Variants in CFHR4 observed in about 807,000 individuals in gnomAD.
CFHR4 encodes complement factor H-related protein 4.
A neutral mutation model predicts 69.3 loss-of-function variants in CFHR4; 64 were observed. The observed-to-expected ratio is 0.92, with a 90% CI of 0.76 to 1.14. The LOEUF is 1.14. CFHR4 is among the 50% of genes most tolerant of loss of function. CFHR4 has a pLI of 0.00. For synonymous variants in CFHR4, 244 were observed against 237.0 expected (o/e 1.03, Z -0.27); for missense variants, 636 against 684.9 (o/e 0.93, Z 0.80).
intron 7 of CFHR4, 127 bp from the exon 8 acceptor site, chr1:196,914,368 T>A: frequency 1.1e-6 from 1 of 901,920 alleles, no homozygotes; most frequent in South Asian, 2.6e-5. Flanking sequence ...TGTCAGACTA[T>A]TTTTAATAGT....
chr1:196,900,161 G>T (rs1057038024), intron 1 of CFHR4, among the ~76,000 whole-genome samples: 3 of 151,366 alleles, frequency 2.0e-5, no homozygotes, highest in Admixed American at 6.6e-5. Context: ...AAATTAGTGA[G>T]TATTTTAATC....
intron 9 of CFHR4, among the ~76,000 whole-genome samples, chr1:196,916,355 A>C (rs939344095): frequency 1.3e-5 from 2 of 152,028 alleles, no homozygotes; most frequent in African/African-American, 4.8e-5. Flanking sequence ...TTAAACTATA[A>C]GTTCATGAGT....
intron 9 of CFHR4, among the ~76,000 whole-genome samples, chr1:196,915,594 C>A (rs1450407802): frequency 6.6e-6 from 1 of 151,272 alleles, no homozygotes; most frequent in Admixed American, 6.6e-5. Context: ...GAGATTGCAC[C>A]ATTGCCCTCC....
chr1:196,900,233 C>A (rs1407391951), intron 1 of CFHR4, among the ~76,000 whole-genome samples: 1 of 150,004 alleles, frequency 6.7e-6, no homozygotes, highest in Non-Finnish European at 1.5e-5. Context: ...TGTGAGTCTA[C>A]AATTCACATG....
intron 6 of CFHR4, among the ~76,000 whole-genome samples, chr1:196,911,698 C>T (rs1352846863): frequency 6.6e-6 from 1 of 151,538 alleles, no homozygotes; most frequent in Admixed American, 6.6e-5. Context: ...GTAAGAGCAA[C>T]TGTCCTCAAC....
chr1:196,906,791 T>G, intron 3 of CFHR4, 70 bp from the exon 4 acceptor site: 1 of 1,473,792 alleles, frequency 6.8e-7, no homozygotes, highest in South Asian at 1.4e-5. Flanking sequence ...ATTCCTACAA[T>G]GGGACTTTCT....
intron 1 of CFHR4, among the ~76,000 whole-genome samples, chr1:196,895,007 G>C (rs1291355453): frequency 6.6e-6 from 1 of 151,418 alleles, no homozygotes; most frequent in Non-Finnish European, 1.5e-5. Flanking sequence ...CTACAGTAAG[G>C]TGTGATCACA....
chr1:196,910,527 GGAGA>G, intron 6 of CFHR4, 49 bp downstream of exon 6: 1 of 1,447,350 alleles, frequency 6.9e-7, no homozygotes, highest in Non-Finnish European at 9.6e-7. Flanking sequence ...TGCAAAGAAT[GGAGA>G]GAGAAGAGCA....
chr1:196,902,404 T>C lies in CFHR4; in HGVS notation c.59-14T>C, dbSNP rs116125364. On this transcript the variant is annotated splice_polypyrimidine_tract_variant and intron_variant, in intron 1 of 9. Coordinates refer to ENST00000608469, the MANE Select transcript of CFHR4 (RefSeq NM_001201550.3). ...AAAACATTATTTATACTGTTTTTTG[T>C]TTTTTATTACAAGAAGTGAAACCTT... 8,826 of 1,566,074 alleles carry C rather than the reference T, an allele frequency of 5.6e-3. 565 individuals are homozygous for C. In the African/African-American group the frequency reaches 0.096, roughly 17 times the overall value.
chr1:196,910,601 C>A, intron 6 of CFHR4, 123 bp downstream of exon 6: 2 of 711,880 alleles, frequency 2.8e-6, no homozygotes, highest in Non-Finnish European at 4.6e-6. Flanking sequence ...GTTGTTCATG[C>A]AAAAACACCA....
At chr1:196,892,216 G>T (rs1450715317) in intron 1 of CFHR4, among the ~76,000 whole-genome samples, 1 of 151,404 alleles carries the variant, frequency 6.6e-6, no homozygotes, top group African/African-American at 2.4e-5. Context: ...CTTGTTAGCT[G>T]ATTTGGGAGC....
In CFHR4 at chr1:196,915,434, G is replaced by A. The variant is rs530846828; in HGVS notation, c.1540+296G>A. 5.3e-5 allele frequency among the ~76,000 whole-genome samples: 8 copies of A among 151,408 alleles called. 1 individual carries two copies. Among genetic ancestry groups the A allele is most frequent in the East Asian group, 1.9e-4 (1 of 5,142 alleles). On this transcript the variant is annotated intron_variant, in intron 9 of 9. Transcript: ENST00000608469. ...AGGCAGATCACGAGGTCAGGAGTTC[G>A]AGATCAGCCTGACCAACATGGTGAA...
intron 1 of CFHR4, among the ~76,000 whole-genome samples, chr1:196,901,739 G>A (rs1657619093): frequency 6.6e-6 from 1 of 150,912 alleles, no homozygotes; most frequent in Non-Finnish European, 1.5e-5. Flanking sequence ...TCAATAAACT[G>A]TAAATATACT....
rs1016964376 is a variant in CFHR4, at chr1:196,907,312, T to A, written c.617-4T>A. The A allele has an allele frequency of 1.9e-6, 3 of 1,607,614 alleles. 1 individual carries two copies. Among genetic ancestry groups the A allele is most frequent in the Non-Finnish European group, 2.6e-6 (3 of 1,175,500 alleles). On this transcript the variant is annotated splice_region_variant and splice_polypyrimidine_tract_variant and intron_variant, in intron 4 of 9. Coordinates refer to ENST00000608469, the MANE Select transcript of CFHR4 (RefSeq NM_001201550.3). ...TTTCCCCAATGTAAAGTATTTTTTTTCAGATTCTTCAGAAAACTGTGGGCC... is the reference window on the plus strand; with the variant it reads ...TTTCCCCAATGTAAAGTATTTTTTTACAGATTCTTCAGAAAACTGTGGGCC...
At chr1:196,888,352 A>T (rs1293516118) in intron 1 of CFHR4, 144 bp downstream of exon 1, 1 of 717,830 alleles carries the variant, frequency 1.4e-6, no homozygotes, top group Non-Finnish European at 2.3e-6. Flanking sequence ...TTGTGAGAGT[A>T]TAACAGAAAT....
chr1:196,903,696 C>T (rs1657748360), intron 2 of CFHR4, among the ~76,000 whole-genome samples: 1 of 149,740 alleles, frequency 6.7e-6, no homozygotes, highest in Non-Finnish European at 1.5e-5. Flanking sequence ...TATATATATA[C>T]ACACACACAC....
At chr1:196,889,493 A>C (rs571726555) in intron 1 of CFHR4, among the ~76,000 whole-genome samples, 1 of 151,610 alleles carries the variant, frequency 6.6e-6, no homozygotes, top group Non-Finnish European at 1.5e-5. Context: ...AAAGCAGTAT[A>C]AGAAAAGAAT....
chr1:196,916,214 C>G (rs1853882), intron 9 of CFHR4, among the ~76,000 whole-genome samples: 30,966 of 151,170 alleles, frequency 0.2, 4,959 homozygotes, highest in African/African-American at 0.42. Context: ...AAAATATAAG[C>G]CACAATAATT....
At chr1:196,901,347 G>A (rs555013360) in intron 1 of CFHR4, among the ~76,000 whole-genome samples, 2 of 151,172 alleles carry the variant, frequency 1.3e-5, no homozygotes, top group South Asian at 4.2e-4. Flanking sequence ...TCTTTTAAAT[G>A]AAGATACTTA....
Sources: allele counts gnomAD v4.1 joint callset (sites outside exome capture counted in the v4.1 genomes callset), GRCh38; gene constraint gnomAD v4.1.1; transcripts MANE v1.5; gene names NCBI Gene and HGNC (gene_info 2026-07-23, HGNC 2026-07-21).